The following SLC15A1 variants were observed in gnomAD, a reference collection of about 807,000 sequenced individuals.
SLC15A1 encodes Caco-2 oligopeptide transporter.
SLC15A1 carries 83 observed loss-of-function variants against 92.9 expected under a neutral mutation model. The ratio of observed to expected loss-of-function variants is 0.89; its 90% CI spans 0.75 to 1.07. SLC15A1 has a LOEUF of 1.07. SLC15A1 is among the 50% of genes least tolerant of loss of function. The pLI is 0.00. For synonymous variants in SLC15A1, 322 were observed against 318.2 expected (o/e 1.01, Z -0.13); for missense variants, 857 against 880.1 (o/e 0.97, Z 0.33).
chr13:98,706,611 G>A (rs988725428), intron 15 of SLC15A1, among the ~76,000 whole-genome samples: 6 of 152,168 alleles, frequency 3.9e-5, no homozygotes, highest in African/African-American at 1.4e-4. Flanking sequence ...AGATCAGATG[G>A]TTTTATAAGG....
intron 1 of SLC15A1, among the ~76,000 whole-genome samples, chr13:98,748,438 G>A (rs112424566): frequency 1.6e-4 from 25 of 152,128 alleles, no homozygotes; most frequent in African/African-American, 5.5e-4. Context: ...CTAGAGGTGC[G>A]CACCGCCATG....
rs146899944 is a variant in SLC15A1 at position 98,747,566 on chromosome 13, G to A, written c.4+5029C>T. On this transcript the variant is annotated intron_variant, in intron 1 of 22. Transcript: ENST00000376503. ...ATGGAATGGTTCAGTAACTCAAAGG[G>A]CAGTAGAAAAAAATTATTAATCAAA... is the stretch of plus-strand genomic sequence containing the variant. 1.2e-3 allele frequency among the ~76,000 whole-genome samples: 187 copies of A among 152,220 alleles called. 1 individual carries two copies. The highest frequency in any genetic ancestry group is 2.0e-3 in the Admixed American group (30 of 15,290).
chr13:98,718,509 TAAAC>T (rs1288375816), intron 8 of SLC15A1, among the ~76,000 whole-genome samples: 3 of 151,502 alleles, frequency 2.0e-5, no homozygotes, highest in Admixed American at 6.6e-5. Context: ...GCAAAACAAA[TAAAC>T]AAAAACAACA....
At chr13:98,700,200 A>C (rs988608757) in intron 18 of SLC15A1, among the ~76,000 whole-genome samples, 6 of 152,114 alleles carry the variant, frequency 3.9e-5, no homozygotes, top group Admixed American at 2.0e-4. Flanking sequence ...TTCAAATCTT[A>C]GTGTAGGCCC....
chr13:98,748,467 AT>A (rs888742290), intron 1 of SLC15A1, among the ~76,000 whole-genome samples: 4 of 151,580 alleles, frequency 2.6e-5, no homozygotes, highest in Admixed American at 1.3e-4. Context: ...ATATTTTTGT[AT>A]TTTTTTTGTG....
chr13:98,744,985 C>G (rs970266092), intron 1 of SLC15A1, among the ~76,000 whole-genome samples: 32 of 152,190 alleles, frequency 2.1e-4, no homozygotes, highest in African/African-American at 7.7e-4. Context: ...AATTAGCATG[C>G]ATAGCAGAAA....
intron 9 of SLC15A1, among the ~76,000 whole-genome samples, chr13:98,714,896 A>T (rs1412318256): frequency 6.6e-6 from 1 of 152,134 alleles, no homozygotes; most frequent in African/African-American, 2.4e-5. Flanking sequence ...TTATCTAAGG[A>T]TTCTACTCTC....
intron 1 of SLC15A1, among the ~76,000 whole-genome samples, chr13:98,730,238 A>G (rs71433428): frequency 0.12 from 1,838 of 14,918 alleles, 47 homozygotes; most frequent in Middle Eastern, 0.28. Flanking sequence ...AGGGGAAGGG[A>G]AGGGGAAGGG....
intron 14 of SLC15A1, among the ~76,000 whole-genome samples, 200 bp from the exon 15 acceptor site, chr13:98,708,967 C>CT (rs61087152): frequency 0.17 from 21,033 of 126,598 alleles, 3,017 homozygotes; most frequent in African/African-American, 0.38. Flanking sequence ...TGCATATTTA[C>CT]TTTTTTTTTT....
At chr13:98,696,574 A>C (rs1024901375) in intron 18 of SLC15A1, among the ~76,000 whole-genome samples, 1 of 152,210 alleles carries the variant, frequency 6.6e-6, no homozygotes, top group African/African-American at 2.4e-5. Flanking sequence ...TCTGAGGCGA[A>C]AGGGAAACTC....
At chr13:98,723,147 G>A (rs931887512) in intron 5 of SLC15A1, among the ~76,000 whole-genome samples, 4 of 152,170 alleles carry the variant, frequency 2.6e-5, no homozygotes, top group Non-Finnish European at 5.9e-5. Context: ...CAAGGCCACA[G>A]AGCTGCTCTG....
chr13:98,704,310 CCA>C lies in SLC15A1; in HGVS notation c.1393_1394del (p.Trp465GlyfsTer13). 2.5e-6 allele frequency: 4 copies of C among 1,610,082 alleles called. No individual in the cohort carries two copies. The highest frequency in any genetic ancestry group is 3.4e-6 in the Non-Finnish European group (4 of 1,178,398). On this transcript the variant is annotated frameshift_variant, in exon 17 of 23. Coordinates refer to ENST00000376503, the MANE Select transcript of SLC15A1 (RefSeq NM_005073.4). LOFTEE classifies it high-confidence loss of function. The stretch of plus-strand genomic sequence containing the variant: ...TTACCACCTGGTAGTGATTGGGGGC[CCA>C]CACTAGAAGCGTGTGGCGTTGGCCC... ...KQGQRHTLLV[W>X]APNHYQVVKD...
chr13:98,732,124 C>G (rs1045685035), intron 1 of SLC15A1, among the ~76,000 whole-genome samples: 1 of 152,184 alleles, frequency 6.6e-6, no homozygotes, highest in Non-Finnish European at 1.5e-5. Flanking sequence ...GACTTCAGAC[C>G]GAACTCAAGT....
chr13:98,731,087 T>C (rs2139600588), intron 1 of SLC15A1, among the ~76,000 whole-genome samples: 1 of 152,290 alleles, frequency 6.6e-6, no homozygotes, highest in African/African-American at 2.4e-5. Context: ...TCAGTAGCGG[T>C]TCCTTCCCCT....
chr13:98,750,285 G>A (rs1209423196), intron 1 of SLC15A1, among the ~76,000 whole-genome samples: 2 of 151,936 alleles, frequency 1.3e-5, no homozygotes, highest in Non-Finnish European at 2.9e-5. Flanking sequence ...GCTAATTTTT[G>A]TATTTTTAGT....
At chr13:98,686,844 C>A (rs74894400) in intron 21 of SLC15A1, among the ~76,000 whole-genome samples, 2,433 of 152,196 alleles carry the variant, frequency 0.016, 74 homozygotes, top group African/African-American at 0.056. Flanking sequence ...ATAGCTCTGA[C>A]AACACAGTTC....
intron 18 of SLC15A1, among the ~76,000 whole-genome samples, chr13:98,697,477 AC>A (rs899579138): frequency 6.6e-6 from 1 of 152,096 alleles, no homozygotes; most frequent in Non-Finnish European, 1.5e-5. Flanking sequence ...AAAATGGAAG[AC>A]CCTCTTGCTG....
chr13:98,684,784 G>T lies in SLC15A1; in HGVS notation c.2067C>A (p.Asn689Lys). 1 of 1,613,996 alleles carries T rather than the reference G, an allele frequency of 6.2e-7. No homozygotes were observed. The highest frequency in any genetic ancestry group is 8.5e-7 in the Non-Finnish European group (1 of 1,180,022). Reference sequence around the variant, plus strand: ...AATATGGGTTACTCTTTTCCAGTCTGTTTTTCTTTTCATCCTCATCAAATT... The same window carrying T: ...AATATGGGTTACTCTTTTCCAGTCTTTTTTTCTTTTCATCCTCATCAAATT... The part of the protein sequence containing the change: ...EAQFDEDEKK[N>K]RLEKSNPYFM... Residue 689 changes from asparagine to lysine, a missense_variant, in exon 23 of 23, where the codon AAC becomes AAA. Asn to Lys is a moderately conservative substitution (Grantham distance 94). Coordinates refer to ENST00000376503, the MANE Select transcript of SLC15A1 (RefSeq NM_005073.4).
At chr13:98,735,684 C>G (rs961428184) in intron 1 of SLC15A1, among the ~76,000 whole-genome samples, 1 of 152,206 alleles carries the variant, frequency 6.6e-6, no homozygotes, top group South Asian at 2.1e-4. Flanking sequence ...ACAAGCATTC[C>G]TATACACCAA....
Sources: allele counts gnomAD v4.1 joint callset (sites outside exome capture counted in the v4.1 genomes callset), GRCh38; gene constraint gnomAD v4.1.1; transcripts MANE v1.5; gene names NCBI Gene and HGNC (gene_info 2026-07-23, HGNC 2026-07-21).